Variants in AFG2A observed in about 807,000 individuals in gnomAD.
The protein encoded by AFG2A is ATPase family gene 2 protein homolog A.
the AFG2A span, among the ~76,000 whole-genome samples, chr4:123,094,586 C>T: frequency 6.6e-6 from 1 of 151,796 alleles, no homozygotes; most frequent in Non-Finnish European, 1.5e-5. Context: ...AGGCAAAACA[C>T]TCTAGTATCA....
chr4:123,209,630 C>A, the AFG2A span, among the ~76,000 whole-genome samples: 1 of 148,362 alleles, frequency 6.7e-6, no homozygotes, highest in African/African-American at 2.5e-5. Flanking sequence ...CACTGTCACC[C>A]AGGCTGGAGT....
At chr4:123,308,496 A>G in the AFG2A span, among the ~76,000 whole-genome samples, 1 of 152,098 alleles carries the variant, frequency 6.6e-6, no homozygotes, top group East Asian at 1.9e-4. Flanking sequence ...CGGCGGCATT[A>G]GATTCTCATA....
At chr4:123,096,312 C>T in the AFG2A span, among the ~76,000 whole-genome samples, 5 of 151,134 alleles carry the variant, frequency 3.3e-5, no homozygotes, top group African/African-American at 1.2e-4. Context: ...GGCTCATTGT[C>T]TTTAGATTGA....
the AFG2A span, among the ~76,000 whole-genome samples, chr4:123,127,517 T>C: frequency 1.3e-5 from 2 of 152,158 alleles, no homozygotes; most frequent in African/African-American, 4.8e-5. Context: ...GCTGATAGAA[T>C]TGTATTACTG....
At chr4:122,928,859 T>G in the AFG2A span, among the ~76,000 whole-genome samples, 1 of 152,258 alleles carries the variant, frequency 6.6e-6, no homozygotes, top group East Asian at 1.9e-4. Flanking sequence ...ATGTAGTATT[T>G]AAATTTTTTA....
At chr4:123,259,845 A>G in the AFG2A span, 2 of 152,246 alleles carry the variant, frequency 1.3e-5, no homozygotes, top group Non-Finnish European at 2.9e-5. Flanking sequence ...AGTAAGATGC[A>G]TAATTTCTTC....
the AFG2A span, among the ~76,000 whole-genome samples, chr4:123,017,345 G>T: frequency 6.7e-6 from 1 of 149,574 alleles, no homozygotes; most frequent in South Asian, 2.1e-4. Flanking sequence ...TAGTGAAACT[G>T]GAACTTTTGA....
chr4:123,116,127 A>G, the AFG2A span, among the ~76,000 whole-genome samples: 113,046 of 151,894 alleles, frequency 0.74, 42,449 homozygotes, highest in East Asian at 0.97. Flanking sequence ...TCCAACTCCC[A>G]GGCTCTCACA....
At chr4:122,969,243 C>A in the AFG2A span, among the ~76,000 whole-genome samples, 3 of 151,826 alleles carry the variant, frequency 2.0e-5, no homozygotes, top group Non-Finnish European at 4.4e-5. Context: ...TTTTCTCTTA[C>A]CTTCTTGATG....
At chr4:123,136,035 T>A in the AFG2A span, among the ~76,000 whole-genome samples, 2 of 152,166 alleles carry the variant, frequency 1.3e-5, no homozygotes, top group African/African-American at 4.8e-5. Flanking sequence ...AACAAGGAAG[T>A]AAAAGATTTG....
the AFG2A span, among the ~76,000 whole-genome samples, chr4:122,942,673 C>G: frequency 2.0e-5 from 3 of 152,108 alleles, no homozygotes; most frequent in East Asian, 1.9e-4. Context: ...TTGCCTTCTG[C>G]TAGCTTTTGA....
chr4:122,923,482 G>A, the AFG2A span, among the ~76,000 whole-genome samples: 1 of 152,144 alleles, frequency 6.6e-6, no homozygotes, highest in Admixed American at 6.5e-5. Context: ...ACGTAGCCGC[G>A]CCTGCACTGG....
the AFG2A span, among the ~76,000 whole-genome samples, chr4:123,238,602 AG>A: frequency 3.9e-5 from 6 of 152,256 alleles, no homozygotes; most frequent in African/African-American, 1.4e-4. Flanking sequence ...CCTGACTGTT[AG>A]AAGAAAAACT....
At chr4:122,955,860 T>C in the AFG2A span, among the ~76,000 whole-genome samples, 29 of 152,296 alleles carry the variant, frequency 1.9e-4, no homozygotes, top group African/African-American at 6.5e-4. Context: ...CTAGTTTCTG[T>C]GAAGCTGCTT....
the AFG2A span, among the ~76,000 whole-genome samples, chr4:122,994,658 G>C: frequency 6.6e-6 from 1 of 152,126 alleles, no homozygotes; most frequent in South Asian, 2.1e-4. Context: ...TTCACAATGA[G>C]CTAATGTATA....
At chr4:123,102,158 TTGTTTTC>T in the AFG2A span, 1 of 151,928 alleles carries the variant, frequency 6.6e-6, no homozygotes, top group Non-Finnish European at 1.5e-5. Context: ...TTTTTGTTTT[TTGTTTTC>T]TGTTTTGTTT....
At chr4:123,042,092 A>G in the AFG2A span, among the ~76,000 whole-genome samples, 62,609 of 152,046 alleles carry the variant, frequency 0.41, 15,727 homozygotes, top group Non-Finnish European at 0.55. Flanking sequence ...TAACCTACTC[A>G]TCTATTACCA....
At chr4:123,289,441 C>A in the AFG2A span, among the ~76,000 whole-genome samples, 1 of 152,162 alleles carries the variant, frequency 6.6e-6, no homozygotes, top group Non-Finnish European at 1.5e-5. Flanking sequence ...TGATTCCATA[C>A]CCTTGTGATG....
At chr4:123,136,988 G>C in the AFG2A span, among the ~76,000 whole-genome samples, 1 of 152,136 alleles carries the variant, frequency 6.6e-6, no homozygotes, top group East Asian at 1.9e-4. Context: ...GTGGGGCGGG[G>C]GTTGGTTTCG....
Sources: allele counts gnomAD v4.1 joint callset (sites outside exome capture counted in the v4.1 genomes callset), GRCh38; gene constraint gnomAD v4.1.1; transcripts MANE v1.5; gene names NCBI Gene and HGNC (gene_info 2026-07-23, HGNC 2026-07-21).